The following OGDH variants were observed in gnomAD, a reference collection of about 807,000 sequenced individuals.
OGDH encodes the protein 2-oxoglutarate dehydrogenase complex component E1.
A neutral mutation model predicts 116.6 loss-of-function variants in OGDH; 38 were observed. That is an observed-to-expected ratio of 0.33 (90% CI 0.25 to 0.43). OGDH has a LOEUF of 0.43. OGDH is among the 20% of genes least tolerant of loss of function. The pLI, the probability that OGDH is intolerant of heterozygous loss-of-function variation, is 1.00. For synonymous variants in OGDH, 488 were observed against 533.3 expected, an observed-to-expected ratio of 0.92 and a Z score of 1.17; for missense variants, 825 against 1,357.2, an observed-to-expected ratio of 0.61 and a Z score of 6.16.
At chr7:44,633,023 G>A (rs540287123) in intron 2 of OGDH, among the ~76,000 whole-genome samples, 138 of 151,836 alleles carry the variant, frequency 9.1e-4, no homozygotes, top group African/African-American at 3.2e-3. Context: ...GGAGGCTGAG[G>A]TGGGCAGATC....
chr7:44,666,858 G>A lies in OGDH; in HGVS notation c.633+7G>A. ...GATCATCCGTCGGCTGGAGGTAAGA[G>A]CAGTTTCTGGAAAAATCTAATGGAC... is the stretch of plus-strand genomic sequence containing the variant. On this transcript the variant is annotated splice_region_variant and intron_variant, in intron 5 of 22. Coordinates refer to ENST00000222673, the MANE Select transcript of OGDH (RefSeq NM_002541.4). 6.3e-7 allele frequency: 1 copy of A among 1,581,558 alleles called. No individual in the cohort carries two copies. Among genetic ancestry groups the A allele is most frequent in the Non-Finnish European group, 8.7e-7 (1 of 1,155,704 alleles).
At chr7:44,611,072 A>T (rs1585206968) in intron 1 of OGDH, among the ~76,000 whole-genome samples, 4 of 122,872 alleles carry the variant, frequency 3.3e-5, no homozygotes, top group Non-Finnish European at 3.4e-5. Flanking sequence ...ATTTTTCTAA[A>T]TTTTTTTTTT....
chr7:44,630,211 G>A (rs1281571749), intron 2 of OGDH, among the ~76,000 whole-genome samples: 1 of 152,210 alleles, frequency 6.6e-6, no homozygotes, highest in Admixed American at 6.5e-5. Context: ...TTGAAAAATA[G>A]GACTATGGTA....
At position 44,666,848 on chromosome 7, in the gene OGDH, G is replaced by A. The variant is rs760329031; in HGVS notation, c.630G>A (p.Leu210=). The A allele has an allele frequency of 6.2e-7, 1 of 1,603,978 alleles. No homozygotes were observed. The highest frequency in any genetic ancestry group is 2.3e-5 in the East Asian group (1 of 44,328). ...ALPLREIIRR[L]EMAYCQHIGV... is the part of the protein sequence containing the mutation. ...CTCTGCGGGAGATCATCCGTCGGCTGGAGGTAAGAGCAGTTTCTGGAAAAA... is the reference window on the plus strand; with the variant it reads ...CTCTGCGGGAGATCATCCGTCGGCTAGAGGTAAGAGCAGTTTCTGGAAAAA... The change falls in exon 5 of 23, where the codon CTG becomes CTA. Residue 210 remains leucine (L), a synonymous_variant. Transcript: ENST00000222673.
intron 1 of OGDH, among the ~76,000 whole-genome samples, chr7:44,607,002 G>A (rs1225284612): frequency 6.6e-6 from 1 of 152,186 alleles, no homozygotes; most frequent in Admixed American, 6.5e-5. Flanking sequence ...AGGGCGGTGC[G>A]TCCGCAGGGG....
intron 1 of OGDH, among the ~76,000 whole-genome samples, chr7:44,619,417 G>C (rs1784924606): frequency 6.6e-6 from 1 of 152,182 alleles, no homozygotes. Context: ...TATTGGTAGG[G>C]AGAATTCCCC....
At chr7:44,662,464 C>CTTTTTTTTT (rs199533460) in intron 4 of OGDH, among the ~76,000 whole-genome samples, 1 of 130,836 alleles carries the variant, frequency 7.6e-6, no homozygotes, top group Non-Finnish European at 1.6e-5. Context: ...CTTTTCTTTT[C>CTTTTTTTTT]TTTTTTTTTT....
intron 2 of OGDH, 138 bp downstream of exon 2, chr7:44,624,703 G>T: frequency 1.4e-6 from 1 of 728,568 alleles, no homozygotes; most frequent in Non-Finnish European, 2.4e-6. Flanking sequence ...CACCGTATCT[G>T]TATCGGACCC....
chr7:44,659,826 G>A (rs1786857458), intron 4 of OGDH, among the ~76,000 whole-genome samples: 1 of 152,028 alleles, frequency 6.6e-6, no homozygotes, highest in Non-Finnish European at 1.5e-5. Context: ...CTTTTTATTT[G>A]TCAGTCTTGT....
At chr7:44,643,859 A>G (rs1475808597) in intron 2 of OGDH, among the ~76,000 whole-genome samples, 2 of 152,374 alleles carry the variant, frequency 1.3e-5, no homozygotes, top group South Asian at 2.1e-4. Context: ...GAAGAATTTT[A>G]GAGGCTGGAA....
At chr7:44,703,367 C>A (rs1788925938) in intron 20 of OGDH, among the ~76,000 whole-genome samples, 1 of 151,662 alleles carries the variant, frequency 6.6e-6, no homozygotes, top group Non-Finnish European at 1.5e-5. Context: ...GAGATTGCAC[C>A]ACTGCACTAC....
intron 1 of OGDH, among the ~76,000 whole-genome samples, chr7:44,609,813 T>C (rs1211705323): frequency 6.6e-6 from 1 of 152,374 alleles, no homozygotes; most frequent in East Asian, 1.9e-4. Flanking sequence ...CCACCGGCAC[T>C]GTATGGTCTT....
chr7:44,618,467 T>A (rs1162177452), intron 1 of OGDH, among the ~76,000 whole-genome samples: 1 of 152,210 alleles, frequency 6.6e-6, no homozygotes, highest in Admixed American at 6.5e-5. Context: ...CTGTATAGAT[T>A]TGCCTATTCT....
In OGDH at chr7:44,689,347, C is replaced by T. The variant is rs1585372872; in HGVS notation, c.1336-4478C>T. ...TCTTCTGCCTCAGTTTCCCAAGTAGCTGGGATTACAGGCACGCACCACCAC... is the reference window on the plus strand; with the variant it reads ...TCTTCTGCCTCAGTTTCCCAAGTAGTTGGGATTACAGGCACGCACCACCAC... On this transcript the variant is annotated intron_variant, in intron 10 of 22. Coordinates refer to ENST00000222673, the MANE Select transcript of OGDH (RefSeq NM_002541.4). Among the ~76,000 whole-genome samples, 4 of 141,866 alleles carry T rather than the reference C, an allele frequency of 2.8e-5. 1 individual carries two copies. 93.1% of individuals were successfully genotyped at this position (141,866 alleles called of 152,430 possible). A position where few individuals can be genotyped will look rare whatever the true frequency, so the allele number is the denominator to read the frequency against.
At chr7:44,700,605 G>A (rs1310275138) in intron 19 of OGDH, among the ~76,000 whole-genome samples, 3 of 152,218 alleles carry the variant, frequency 2.0e-5, no homozygotes, top group Non-Finnish European at 2.9e-5. Flanking sequence ...TGGAAGAGAG[G>A]TGAGCCCTGG....
chr7:44,689,985 C>T lies in OGDH; in HGVS notation c.1336-3840C>T, dbSNP rs560283173. 7.2e-5 allele frequency among the ~76,000 whole-genome samples: 11 copies of T among 152,302 alleles called. No homozygotes were observed. In the South Asian group the frequency reaches 1.2e-3, roughly 17 times the overall value. ...AAAGTTTTACCTCCTATGCTTTCTT[C>T]TGAGTCTTATAGTTTTAGCCCTTAC... On this transcript the variant is annotated intron_variant, in intron 10 of 22. Transcript: ENST00000222673.
chr7:44,611,519 C>G (rs974228873), intron 1 of OGDH, among the ~76,000 whole-genome samples: 1 of 151,930 alleles, frequency 6.6e-6, no homozygotes, highest in Non-Finnish European at 1.5e-5. Flanking sequence ...TCGTGATCCC[C>G]CCCGCCTCGG....
chr7:44,682,688 T>A (rs1787979686), intron 10 of OGDH, among the ~76,000 whole-genome samples: 1 of 148,852 alleles, frequency 6.7e-6, no homozygotes, highest in South Asian at 2.1e-4. Flanking sequence ...GGAGTCTGTC[T>A]AAAAAAAAAA....
rs777624714 is a variant in OGDH, at chr7:44,705,051, C to CTTT, written c.2633-2157_2633-2155dup. ...TTGATGTACAAAAGTTTTTAATTTT[C>CTTT]TTTTTTTTTTTTTTTTTTTGAGACG... On this transcript the variant is annotated intron_variant, in intron 20 of 22. Transcript: ENST00000222673. Among the ~76,000 whole-genome samples the CTTT allele has an allele frequency of 1.6e-3, 154 of 93,920 alleles. 20 individuals are homozygous for CTTT. Among genetic ancestry groups the CTTT allele is most frequent in the African/African-American group, 8.1e-3 (139 of 17,072 alleles). 61.6% of individuals were successfully genotyped at this position (93,920 alleles called of 152,430 possible).
Sources: allele counts gnomAD v4.1 joint callset (sites outside exome capture counted in the v4.1 genomes callset), GRCh38; gene constraint gnomAD v4.1.1; transcripts MANE v1.5; gene names NCBI Gene and HGNC (gene_info 2026-07-23, HGNC 2026-07-21).